GDNF: variants seen among roughly 807,000 people sequenced by gnomAD.
The protein encoded by GDNF is glial cell line-derived neurotrophic factor.
GDNF carries 5 observed loss-of-function variants against 13.7 expected under a neutral mutation model. The observed-to-expected ratio is 0.36, with a 90% CI of 0.19 to 0.77. GDNF has a LOEUF of 0.77. GDNF is among the 30% of genes least tolerant of loss of function. The pLI, the probability that GDNF is intolerant of heterozygous loss-of-function variation, is 0.51. For missense variants in GDNF, 246 were observed against 274.3 expected (o/e 0.90, Z 0.73); for synonymous variants, 122 against 112.5 (o/e 1.08, Z -0.53).
chr5:37,830,238 A>T (rs1561134072), intron 2 of GDNF, among the ~76,000 whole-genome samples: 1 of 152,204 alleles, frequency 6.6e-6, no homozygotes, highest in Admixed American at 6.5e-5. Context: ...CTCCATCTCC[A>T]TACAGGTAGC....
At position 37,834,644 on chromosome 5, in the gene GDNF, A is replaced by T; in HGVS notation, c.151+2T>A. On this transcript the variant is annotated splice_donor_variant, in intron 2 of 2. Transcript: ENST00000326524. LOFTEE classifies it high-confidence loss of function. ...CCCCCGCGGGGAGGGAACGGTTCTT[A>T]CAGTCACTGCTCAGCGCGAAGGGCG... 1 of 1,580,052 alleles carries T rather than the reference A, an allele frequency of 6.3e-7. No individual in the cohort carries two copies. The highest frequency in any genetic ancestry group is 8.6e-7 in the Non-Finnish European group (1 of 1,165,042).
intron 2 of GDNF, among the ~76,000 whole-genome samples, chr5:37,827,009 G>A (rs967464562): frequency 1.3e-5 from 2 of 152,126 alleles, no homozygotes; most frequent in African/African-American, 4.8e-5. Context: ...GATATTCCAA[G>A]GATGTTTCCC....
Position 37,839,470 on chromosome 5 carries a change from A to AC in GDNF, c.-27+36dup, listed in dbSNP as rs1750821193. Reference sequence around the variant, plus strand: ...CGCACCCACCCGCGACGCAGGCACCACCCGCTCCCTGCTCCCCGGCCCGCT... The same window carrying AC: ...CGCACCCACCCGCGACGCAGGCACCACCCCGCTCCCTGCTCCCCGGCCCGCT... On this transcript the variant is annotated intron_variant, in intron 1 of 2. Transcript: ENST00000326524. This position sits in a 1 kb window ranked among gnomAD's most constrained non-coding sequence, Gnocchi z 5.5. The AC allele has an allele frequency of 6.6e-6, 1 of 152,508 alleles. No homozygotes were observed. Among genetic ancestry groups the AC allele is most frequent in the African/African-American group, 2.4e-5 (1 of 41,224 alleles). 9.4% of individuals were successfully genotyped at this position (152,508 alleles called of 1,614,324 possible). A position where few individuals can be genotyped will look rare whatever the true frequency, so the allele number is the denominator to read the frequency against.
Position 37,815,512 on chromosome 5 carries a change from TCCTCCTCC to T in GDNF, c.*131_*138del. Reference sequence around the variant, plus strand: ...TTCCTCCTCCTCCTCCTCCTCCTCCTCCTCCTCCTCTTCTTCTTCCTCCTCCTCCGCCT... The same window carrying T: ...TTCCTCCTCCTCCTCCTCCTCCTCCTTCTTCTTCTTCCTCCTCCTCCGCCT... On this transcript the variant is annotated 3_prime_UTR_variant, in exon 3 of 3. Transcript: ENST00000326524. The surrounding 1 kb of genome is among the most constrained non-coding windows in gnomAD (Gnocchi z 5.0). The T allele has an allele frequency of 1.3e-6, 1 of 768,150 alleles. No individual in the cohort carries two copies. The highest frequency in any genetic ancestry group is 2.2e-6 in the Non-Finnish European group (1 of 445,890). 47.6% of individuals were successfully genotyped at this position (768,150 alleles called of 1,614,324 possible).
chr5:37,819,597 T>G (rs1277575337), intron 2 of GDNF, among the ~76,000 whole-genome samples: 4 of 151,756 alleles, frequency 2.6e-5, no homozygotes, highest in Non-Finnish European at 5.9e-5. Flanking sequence ...CAATTACAGG[T>G]GCCCGCCATC....
chr5:37,815,460 C>T lies in GDNF; in HGVS notation c.*191G>A. ...TCCAGTTGTCTGTAGCTGGATCTCC[C>T]TCTACCAGGCTCCCATGATGGCTGC... On this transcript the variant is annotated 3_prime_UTR_variant, in exon 3 of 3. Transcript: ENST00000326524. The surrounding 1 kb of genome is among the most constrained non-coding windows in gnomAD (Gnocchi z 5.0). 3.1e-6 allele frequency: 2 copies of T among 644,160 alleles called. No homozygotes were observed. The highest frequency in any genetic ancestry group is 4.6e-5 in the Admixed American group (2 of 43,156). The allele number at this position is 644,160 out of a possible 1,614,324, so 39.9% of individuals were successfully genotyped here. A position where few individuals can be genotyped will look rare whatever the true frequency, so the allele number is the denominator to read the frequency against.
chr5:37,823,713 G>T (rs1750217736), intron 2 of GDNF, among the ~76,000 whole-genome samples: 1 of 152,240 alleles, frequency 6.6e-6, no homozygotes, highest in African/African-American at 2.4e-5. Context: ...CCGGATTCCA[G>T]TCTTGGGTCA....
intron 2 of GDNF, among the ~76,000 whole-genome samples, chr5:37,818,340 A>G (rs1179825744): frequency 6.6e-6 from 1 of 152,222 alleles, no homozygotes; most frequent in Non-Finnish European, 1.5e-5. Context: ...CTATTCTGGT[A>G]ATAATGAATA....
chr5:37,834,496 C>A lies in GDNF; in HGVS notation c.151+150G>T. On this transcript the variant is annotated intron_variant, in intron 2 of 2. Coordinates refer to ENST00000326524, the MANE Select transcript of GDNF (RefSeq NM_000514.4). ...GGGCAGCAGTGGGCAGCCAGGCACC[C>A]CTGGGGGCTTCAGCACCCGCACCCC... The A allele has an allele frequency of 5.8e-6, 4 of 693,894 alleles. No individual in the cohort carries two copies. In the South Asian group the frequency reaches 8.9e-5, roughly 15 times the overall value. 43.0% of individuals were successfully genotyped at this position (693,894 alleles called of 1,614,324 possible).
Position 37,815,797 on chromosome 5 carries a change from A to G in GDNF, c.490T>C (p.Ser164Pro), listed in dbSNP as rs765969719. Residue 164 changes from serine (S) to proline (P), a missense_variant, in exon 3 of 3, where the codon TCC becomes CCC. Ser to Pro is a moderately conservative substitution (Grantham distance 74). Coordinates refer to ENST00000326524, the MANE Select transcript of GDNF (RefSeq NM_000514.4). The surrounding 1 kb of genome is among the most constrained non-coding windows in gnomAD (Gnocchi z 5.0). ...TCACTCACCAGCCTTCTATTTCTGG[A>G]TAAGTTTTTCAATATTTTGTCGTAC... is the stretch of plus-strand genomic sequence containing the variant. ...TTYDKILKNL[S>P]RNRRLVSDKV... 6.2e-7 allele frequency: 1 copy of G among 1,614,184 alleles called. No individual in the cohort carries two copies. The highest frequency in any genetic ancestry group is 8.5e-7 in the Non-Finnish European group (1 of 1,180,030).
chr5:37,829,545 C>A (rs190125540), intron 2 of GDNF, among the ~76,000 whole-genome samples: 1 of 152,244 alleles, frequency 6.6e-6, no homozygotes. Flanking sequence ...CGCATGGCAC[C>A]CAGTACATGA....
intron 2 of GDNF, chr5:37,823,426 C>G (rs754063472): frequency 2.0e-5 from 3 of 152,164 alleles, no homozygotes; most frequent in Non-Finnish European, 4.4e-5. Context: ...CTCAGGTACG[C>G]TAAGTAGATC....
At chr5:37,826,327 T>C (rs1750311935) in intron 2 of GDNF, among the ~76,000 whole-genome samples, 1 of 152,230 alleles carries the variant, frequency 6.6e-6, no homozygotes, top group Non-Finnish European at 1.5e-5. Flanking sequence ...GGATCCTCCT[T>C]CAGCAATATT....
In GDNF at chr5:37,837,994, G is replaced by T. The variant is rs1015994191; in HGVS notation, c.-27+1513C>A. On this transcript the variant is annotated intron_variant, in intron 1 of 2. Coordinates refer to ENST00000326524, the MANE Select transcript of GDNF (RefSeq NM_000514.4). The surrounding 1 kb of genome is among the most constrained non-coding windows in gnomAD (Gnocchi z 6.5). ...GGGAGACGGGTTTGCTATAAACTCG[G>T]TTTTTTTTTTTTTTTTTTTGGCGGG... Among the ~76,000 whole-genome samples the T allele has an allele frequency of 1.1e-4, 14 of 125,474 alleles. 1 individual carries two copies. The South Asian group carries it at 2.1e-3, about 19-fold the overall frequency. 82.3% of individuals were successfully genotyped at this position (125,474 alleles called of 152,430 possible).
chr5:37,830,456 G>A (rs1038652809), intron 2 of GDNF, among the ~76,000 whole-genome samples: 1 of 152,204 alleles, frequency 6.6e-6, no homozygotes, highest in Admixed American at 6.5e-5. Context: ...CCCAGGGGCA[G>A]AATCCCAGGC....
At chr5:37,818,714 C>A (rs1385876913) in intron 2 of GDNF, among the ~76,000 whole-genome samples, 1 of 152,172 alleles carries the variant, frequency 6.6e-6, no homozygotes, top group Non-Finnish European at 1.5e-5. Context: ...TGGCTGTCCC[C>A]TCTCTGCCTG....
intron 2 of GDNF, among the ~76,000 whole-genome samples, chr5:37,832,101 G>A (rs187012125): frequency 5.6e-4 from 85 of 152,382 alleles, no homozygotes; most frequent in African/African-American, 2.0e-3. Flanking sequence ...TCTTAAAGGT[G>A]AGTGTGCAAA....
At chr5:37,821,608 T>C (rs1032320418) in intron 2 of GDNF, among the ~76,000 whole-genome samples, 1 of 152,236 alleles carries the variant, frequency 6.6e-6, no homozygotes, top group Non-Finnish European at 1.5e-5. Flanking sequence ...TTATTCTATT[T>C]AAAATATTTT....
chr5:37,815,523 T>TCCTCCTCCTCCTCCTCA lies in GDNF; in HGVS notation c.*127_*128insTGAGGAGGAGGAGGAGG. 1.4e-6 allele frequency: 1 copy of TCCTCCTCCTCCTCCTCA among 732,638 alleles called. No homozygotes were observed. The highest frequency in any genetic ancestry group is 2.8e-5 in the African/African-American group (1 of 35,768). The allele number at this position is 732,638 out of a possible 1,614,324, so 45.4% of individuals were successfully genotyped here. ...CCTCCTCCTCCTCCTCCTCCTCCTC[T>TCCTCCTCCTCCTCCTCA]TCTTCTTCCTCCTCCTCCGCCTCCT... On this transcript the variant is annotated 3_prime_UTR_variant, in exon 3 of 3. Coordinates refer to ENST00000326524, the MANE Select transcript of GDNF (RefSeq NM_000514.4). The surrounding 1 kb of genome is among the most constrained non-coding windows in gnomAD (Gnocchi z 5.0).
Sources: allele counts gnomAD v4.1 joint callset (sites outside exome capture counted in the v4.1 genomes callset), GRCh38; gene constraint gnomAD v4.1.1; non-coding constraint Gnocchi (gnomAD v3.1); transcripts MANE v1.5; gene names NCBI Gene and HGNC (gene_info 2026-07-23, HGNC 2026-07-21).